Variants in LMBR1 observed in about 807,000 individuals in gnomAD.
The protein encoded by LMBR1 is limb development membrane protein 1, also known as limb region 1 protein homolog.
LMBR1 carries 52 observed loss-of-function variants against 73.9 expected under a neutral mutation model. The observed-to-expected ratio is 0.70, with a 90% CI of 0.56 to 0.89. LMBR1 has a LOEUF of 0.89. LMBR1 is among the 40% of genes least tolerant of loss of function. The pLI, the probability that LMBR1 is intolerant of heterozygous loss-of-function variation, is 0.00. For missense variants in LMBR1, 539 were observed against 579.8 expected, an observed-to-expected ratio of 0.93 and a Z score of 0.72; for synonymous variants, 215 against 209.4, an observed-to-expected ratio of 1.03 and a Z score of -0.23.
intron 4 of LMBR1, among the ~76,000 whole-genome samples, chr7:156,799,787 G>A (rs1003635708): frequency 6.6e-6 from 1 of 152,164 alleles, no homozygotes; most frequent in African/African-American, 2.4e-5. Flanking sequence ...TGAATGCAAA[G>A]GAAAAGTTCC....
At chr7:156,714,522 G>A (rs910696870) in intron 15 of LMBR1, among the ~76,000 whole-genome samples, 5 of 152,232 alleles carry the variant, frequency 3.3e-5, no homozygotes, top group African/African-American at 1.2e-4. Flanking sequence ...GGAATGGCAC[G>A]AGACACAGAC....
At chr7:156,792,184 A>G (rs1006884263) in intron 5 of LMBR1, among the ~76,000 whole-genome samples, 4 of 152,204 alleles carry the variant, frequency 2.6e-5, no homozygotes, top group African/African-American at 9.6e-5. Context: ...GAGATAAATC[A>G]TACAGCCAAT....
At chr7:156,815,302 C>G (rs539658323) in intron 4 of LMBR1, among the ~76,000 whole-genome samples, 1 of 151,504 alleles carries the variant, frequency 6.6e-6, no homozygotes, top group East Asian at 1.9e-4. Flanking sequence ...TCATTAATTT[C>G]ACTAAAAAAA....
At chr7:156,834,797 C>T (rs1268574337) in intron 2 of LMBR1, among the ~76,000 whole-genome samples, 1 of 151,904 alleles carries the variant, frequency 6.6e-6, no homozygotes, top group Non-Finnish European at 1.5e-5. Context: ...TGTCAGCAAT[C>T]TCTTTTGTCC....
chr7:156,721,512 T>A (rs535826267), intron 15 of LMBR1, among the ~76,000 whole-genome samples: 1 of 152,096 alleles, frequency 6.6e-6, no homozygotes, highest in Non-Finnish European at 1.5e-5. Flanking sequence ...TTTATCACCC[T>A]GAGAGTCTAT....
intron 15 of LMBR1, among the ~76,000 whole-genome samples, chr7:156,700,094 G>A (rs1315943038): frequency 1.1e-4 from 16 of 152,118 alleles, no homozygotes; most frequent in Non-Finnish European, 2.9e-5. Flanking sequence ...ACATGCACAC[G>A]TATGTTTATT....
intron 1 of LMBR1, among the ~76,000 whole-genome samples, chr7:156,879,291 A>G (rs1439793525): frequency 6.6e-6 from 1 of 152,222 alleles, no homozygotes; most frequent in Non-Finnish European, 1.5e-5. Context: ...TTCACAATCT[A>G]TACATCTGAC....
intron 1 of LMBR1, among the ~76,000 whole-genome samples, chr7:156,863,139 T>G (rs1316298089): frequency 2.6e-5 from 4 of 152,112 alleles, no homozygotes; most frequent in Non-Finnish European, 5.9e-5. Flanking sequence ...CAAATAGATA[T>G]ATATATATAA....
At chr7:156,798,967 G>A (rs975437651) in intron 4 of LMBR1, among the ~76,000 whole-genome samples, 3 of 151,898 alleles carry the variant, frequency 2.0e-5, no homozygotes, top group East Asian at 1.9e-4. Flanking sequence ...GCCGAGGCAG[G>A]CAGATTACGA....
chr7:156,725,961 T>G, intron 12 of LMBR1, 124 bp from the exon 13 acceptor site: 1 of 695,644 alleles, frequency 1.4e-6, no homozygotes. Context: ...AAATAACATC[T>G]AGACTTTCAA....
chr7:156,704,745 T>C (rs1435503943), intron 15 of LMBR1, among the ~76,000 whole-genome samples: 1 of 142,774 alleles, frequency 7.0e-6, no homozygotes, highest in Non-Finnish European at 1.5e-5. Context: ...ACTAAGGAAA[T>C]AGTTGTCTTT....
chr7:156,736,663 C>A, intron 9 of LMBR1: 1 of 450,176 alleles, frequency 2.2e-6, no homozygotes, highest in South Asian at 1.6e-5. Flanking sequence ...CCTCTTCACT[C>A]CTCCCTTTCT....
intron 15 of LMBR1, among the ~76,000 whole-genome samples, chr7:156,715,668 C>G (rs1813055647): frequency 6.6e-6 from 1 of 152,164 alleles, no homozygotes; most frequent in African/African-American, 2.4e-5. Context: ...CCTGGCAACT[C>G]ATGAAATGAA....
chr7:156,789,931 T>C (rs1828903369), intron 5 of LMBR1, among the ~76,000 whole-genome samples: 3 of 151,046 alleles, frequency 2.0e-5, no homozygotes, highest in Admixed American at 1.3e-4. Context: ...AAAGTATAAT[T>C]ACTTTAAAAT....
chr7:156,864,145 CTG>C (rs1023155126), intron 1 of LMBR1, among the ~76,000 whole-genome samples: 2 of 151,746 alleles, frequency 1.3e-5, no homozygotes, highest in African/African-American at 4.8e-5. Context: ...AAGCAAGACT[CTG>C]TCTCACAAAA....
At chr7:156,676,437 C>G (rs1368048456), downstream of LMBR1, 1 of 1,614,092 alleles carries the variant, frequency 6.2e-7, no homozygotes, top group South Asian at 1.1e-5. Context: ...CCGGGAGACC[C>G]ACGAGTGCTC....
intron 5 of LMBR1, among the ~76,000 whole-genome samples, chr7:156,769,637 C>T (rs778198444): frequency 3.3e-5 from 5 of 152,158 alleles, no homozygotes; most frequent in Non-Finnish European, 5.9e-5. Context: ...TGGCAGGAGA[C>T]ACAAGACTCC....
intron 4 of LMBR1, among the ~76,000 whole-genome samples, chr7:156,802,242 C>T (rs892644857): frequency 4.6e-5 from 7 of 152,340 alleles, no homozygotes; most frequent in East Asian, 1.9e-4. Context: ...TTCGGCCTTC[C>T]AAAGTGCTGG....
intron 9 of LMBR1, among the ~76,000 whole-genome samples, chr7:156,745,174 T>C (rs1819612275): frequency 6.6e-6 from 1 of 152,230 alleles, no homozygotes; most frequent in Non-Finnish European, 1.5e-5. Flanking sequence ...TGTTTGTCTA[T>C]TAAGCTTTTT....
Sources: allele counts gnomAD v4.1 joint callset (sites outside exome capture counted in the v4.1 genomes callset), GRCh38; gene constraint gnomAD v4.1.1; transcripts MANE v1.5; gene names NCBI Gene and HGNC (gene_info 2026-07-23, HGNC 2026-07-21).